The following CDK14 variants were observed in gnomAD, a reference collection of about 807,000 sequenced individuals.
The protein encoded by CDK14 is cyclin-dependent kinase 14.
CDK14 carries 34 observed loss-of-function variants against 60.7 expected under a neutral mutation model. The ratio of observed to expected loss-of-function variants is 0.56; its 90% CI spans 0.43 to 0.75. The LOEUF (loss-of-function observed/expected upper bound fraction) is 0.75. Among genes scored for constraint, CDK14 ranks in the 30% least tolerant of loss-of-function variants. The pLI is 0.00. For synonymous variants in CDK14, 197 were observed against 203.7 expected, an observed-to-expected ratio of 0.97 and a Z score of 0.28; for missense variants, 482 against 564.1, an observed-to-expected ratio of 0.85 and a Z score of 1.47.
chr7:91,052,818 G>C (rs899415078), intron 11 of CDK14, among the ~76,000 whole-genome samples: 1 of 152,140 alleles, frequency 6.6e-6, no homozygotes, highest in Non-Finnish European at 1.5e-5. Context: ...ATTTGATTCA[G>C]GAAACTTTGA....
At position 91,209,810 on chromosome 7, in the gene CDK14, G is replaced by T. The variant is rs112279213; in HGVS notation, c.*2674G>T. 3 of 152,542 alleles carry T rather than the reference G, an allele frequency of 2.0e-5. No individual in the cohort carries two copies. The highest frequency in any genetic ancestry group is 1.5e-5 in the Non-Finnish European group (1 of 68,026). The allele number at this position is 152,542 out of a possible 1,614,324, so 9.4% of individuals were successfully genotyped here. ...TTTGCAGTACTCAGCAAAAAATAGG[G>T]TACATAAAGCAGGGTGGCTGTCCAT... On this transcript the variant is annotated 3_prime_UTR_variant, in exon 15 of 15. Coordinates refer to ENST00000380050, the MANE Select transcript of CDK14 (RefSeq NM_001287135.2).
intron 6 of CDK14, among the ~76,000 whole-genome samples, chr7:90,878,553 C>A (rs1791638546): frequency 6.6e-6 from 1 of 151,752 alleles, no homozygotes; most frequent in African/African-American, 2.4e-5. Flanking sequence ...TCTGGAAGAT[C>A]CATCCTGTGT....
intron 14 of CDK14, among the ~76,000 whole-genome samples, chr7:91,127,385 G>T (rs1016612675): frequency 6.6e-5 from 10 of 152,110 alleles, no homozygotes; most frequent in Non-Finnish European, 2.9e-5. Flanking sequence ...CGACAGAAGC[G>T]GATAGAGATG....
chr7:90,637,088 T>C (rs1029589032), intron 2 of CDK14, among the ~76,000 whole-genome samples: 4 of 152,280 alleles, frequency 2.6e-5, no homozygotes, highest in Admixed American at 1.3e-4. Context: ...AAAACCAGCT[T>C]CTGGATTCAT....
At chr7:90,866,227 T>TACAC (rs1179881138) in intron 6 of CDK14, among the ~76,000 whole-genome samples, 42 of 80,162 alleles carry the variant, frequency 5.2e-4, no homozygotes, top group Middle Eastern at 5.5e-3. Context: ...TACACACACA[T>TACAC]ACACATACAC....
chr7:91,154,163 CT>C (rs757199228), intron 14 of CDK14, among the ~76,000 whole-genome samples: 7 of 151,076 alleles, frequency 4.6e-5, no homozygotes, highest in Non-Finnish European at 8.9e-5. Context: ...TATTATTTGT[CT>C]TTGCTTTTTT....
intron 2 of CDK14, among the ~76,000 whole-genome samples, chr7:90,687,573 A>T (rs1801463498): frequency 6.6e-6 from 1 of 152,106 alleles, no homozygotes; most frequent in Non-Finnish European, 1.5e-5. Context: ...ATGGATCTAG[A>T]TACATATTAA....
intron 5 of CDK14, among the ~76,000 whole-genome samples, chr7:90,834,783 G>A (rs1025928834): frequency 6.6e-6 from 1 of 152,156 alleles, no homozygotes; most frequent in South Asian, 2.1e-4. Context: ...TATTTTATGG[G>A]AATAACAGGT....
Position 90,827,605 on chromosome 7 carries a change from C to T in CDK14, c.545-35570C>T, listed in dbSNP as rs149271637. On this transcript the variant is annotated intron_variant, in intron 5 of 14. Transcript: ENST00000380050. ...TTTAAAAGTATGGGTCCTGCAGAAACGCCAACCTGTCTTCTGCCAGTGGGT... is the reference window on the plus strand; with the variant it reads ...TTTAAAAGTATGGGTCCTGCAGAAATGCCAACCTGTCTTCTGCCAGTGGGT... Among the ~76,000 whole-genome samples, 222 of 152,244 alleles carry T rather than the reference C, an allele frequency of 1.5e-3. 1 individual carries two copies. Among genetic ancestry groups the T allele is most frequent in the African/African-American group, 4.9e-3 (202 of 41,544 alleles).
intron 2 of CDK14, among the ~76,000 whole-genome samples, chr7:90,649,920 C>T (rs1250419682): frequency 6.6e-6 from 1 of 152,156 alleles, no homozygotes; most frequent in Admixed American, 6.5e-5. Flanking sequence ...GGTAAACATA[C>T]ATATGCATGT....
At chr7:91,073,149 A>C (rs1798203090) in intron 11 of CDK14, among the ~76,000 whole-genome samples, 1 of 152,192 alleles carries the variant, frequency 6.6e-6, no homozygotes, top group Non-Finnish European at 1.5e-5. Context: ...GCCAACATTC[A>C]AATTCAGGAA....
At chr7:91,029,992 G>A (rs1446572098) in intron 10 of CDK14, among the ~76,000 whole-genome samples, 6 of 152,196 alleles carry the variant, frequency 3.9e-5, no homozygotes, top group Non-Finnish European at 7.3e-5. Context: ...TGTGGCCCCA[G>A]AGAGTATGAT....
intron 2 of CDK14, among the ~76,000 whole-genome samples, chr7:90,653,890 T>G (rs1800700014): frequency 6.6e-6 from 1 of 152,164 alleles, no homozygotes; most frequent in Admixed American, 6.5e-5. Flanking sequence ...ATTGTTCAAT[T>G]CCCACCTATG....
intron 14 of CDK14, among the ~76,000 whole-genome samples, chr7:91,193,386 A>G (rs1802435788): frequency 6.6e-6 from 1 of 152,182 alleles, no homozygotes; most frequent in African/African-American, 2.4e-5. Flanking sequence ...AGTGACTCAG[A>G]AGGTTAAGAA....
At chr7:90,599,096 C>T (rs969868969) in intron 1 of CDK14, among the ~76,000 whole-genome samples, 20 of 152,198 alleles carry the variant, frequency 1.3e-4, no homozygotes, top group Non-Finnish European at 7.3e-5. Context: ...GGCTGTGTGT[C>T]ACACAGACTG....
intron 2 of CDK14, among the ~76,000 whole-genome samples, chr7:90,694,441 G>A (rs908172601): frequency 2.6e-5 from 4 of 152,244 alleles, no homozygotes; most frequent in East Asian, 3.9e-4. Context: ...TAAATATTAG[G>A]TATTGAAATC....
rs574578603 is a variant in CDK14, at chr7:90,923,283, G to A, written c.826+5559G>A. On this transcript the variant is annotated intron_variant, in intron 8 of 14. Transcript: ENST00000380050. ...CACCACCACTCCTGGCTAATTTTTT[G>A]TATTTTTAGTAGAGACAGGGTTTCA... Among the ~76,000 whole-genome samples, 346 of 151,862 alleles carry A rather than the reference G, an allele frequency of 2.3e-3. 1 individual carries two copies. The highest frequency in any genetic ancestry group is 8.1e-3 in the African/African-American group (336 of 41,410).
At chr7:90,719,068 A>G (rs1037861425) in intron 2 of CDK14, among the ~76,000 whole-genome samples, 8 of 152,188 alleles carry the variant, frequency 5.3e-5, no homozygotes, top group African/African-American at 7.2e-5. Flanking sequence ...GATTTTGAGT[A>G]GGATAAAGCC....
Position 90,659,857 on chromosome 7 carries a change from C to CTCTCTG in CDK14, c.123+55613_123+55614insGTCTCT, listed in dbSNP as rs1434608414. On this transcript the variant is annotated intron_variant, in intron 2 of 14. Transcript: ENST00000380050. ...AATGCTTCTCTCTCTCTCTCTCTCT[C>CTCTCTG]TCTCTCTCTCTCTCTCTCTGTGTGT... 4.2e-3 allele frequency among the ~76,000 whole-genome samples: 623 copies of CTCTCTG among 147,328 alleles called. 7 individuals are homozygous for CTCTCTG. Among genetic ancestry groups the CTCTCTG allele is most frequent in the African/African-American group, 0.015 (594 of 38,972 alleles).
Sources: allele counts gnomAD v4.1 joint callset (sites outside exome capture counted in the v4.1 genomes callset), GRCh38; gene constraint gnomAD v4.1.1; transcripts MANE v1.5; gene names NCBI Gene and HGNC (gene_info 2026-07-23, HGNC 2026-07-21).